PRDM2: variants seen among roughly 807,000 people sequenced by gnomAD.
PRDM2 encodes the protein PR domain zinc finger protein 2.
Under a neutral mutation model 130.0 loss-of-function variants are expected in PRDM2, and 30 were observed. That is an observed-to-expected ratio of 0.23 (90% CI 0.17 to 0.31). The LOEUF (loss-of-function observed/expected upper bound fraction) is 0.31. Ranked by LOEUF, PRDM2 falls within the 10% of genes least tolerant of loss-of-function variation. The pLI is 1.00. For synonymous variants in PRDM2, 871 were observed against 782.4 expected, an observed-to-expected ratio of 1.11 and a Z score of -1.89; for missense variants, 2,011 against 2,108.4, an observed-to-expected ratio of 0.95 and a Z score of 0.90.
chr1:13,766,158 T>TG lies in PRDM2; in HGVS notation c.512-6920_512-6919insG, dbSNP rs1158183888. Among the ~76,000 whole-genome samples, 3 of 152,358 alleles carry TG rather than the reference T, an allele frequency of 2.0e-5. No homozygotes were observed. The East Asian group carries it at 5.8e-4, about 29-fold the overall frequency. On this transcript the variant is annotated intron_variant, in intron 6 of 9. Coordinates refer to ENST00000311066, the MANE Select transcript of PRDM2 (RefSeq NM_001393986.1). ...AGCCTTGAGCATAGTGAGTTCAACA[T>TG]CTACCCTGTTCCCTAGGGTCTGTGC... is the stretch of plus-strand genomic sequence containing the variant.
chr1:13,779,027 G>T lies in PRDM2; in HGVS notation c.1232G>T (p.Arg411Leu). 2 of 1,614,130 alleles carry T rather than the reference G, an allele frequency of 1.2e-6. No individual in the cohort carries two copies. The highest frequency in any genetic ancestry group is 1.7e-6 in the Non-Finnish European group (2 of 1,180,032). ...TQINRRRHER[R>L]HEAGLKRKPS... is the part of the protein sequence containing the mutation. ...ATTAACCGGCGGCGACATGAGCGGC[G>T]CCATGAAGCAGGGTTAAAGCGGAAA... The change falls in exon 8 of 10, where the codon CGC becomes CTC. Residue 411 changes from arginine to leucine, a missense_variant. Physicochemically the swap from Arg to Leu is moderately radical, Grantham distance 102. This residue lies in a region of PRDM2 where 1,288 missense variants were observed against 1,237.7 expected (regional missense o/e 1.04). Transcript: ENST00000311066. This position sits in a 1 kb window ranked among gnomAD's most constrained non-coding sequence, Gnocchi z 4.9.
chr1:13,707,216 C>G (rs115354851), intron 1 of PRDM2, among the ~76,000 whole-genome samples: 8 of 152,122 alleles, frequency 5.3e-5, no homozygotes, highest in Admixed American at 5.2e-4. Context: ...CTCAGAGAGT[C>G]TTCATGTGAG....
intron 8 of PRDM2, among the ~76,000 whole-genome samples, chr1:13,802,019 G>A (rs2100733513): frequency 6.6e-6 from 1 of 152,322 alleles, no homozygotes; most frequent in Admixed American, 6.5e-5. Flanking sequence ...TCGTGTGTAA[G>A]GTAGATTGAG....
intron 8 of PRDM2, among the ~76,000 whole-genome samples, chr1:13,812,956 G>C (rs979710853): frequency 1.3e-5 from 2 of 152,164 alleles, no homozygotes; most frequent in Non-Finnish European, 2.9e-5. Context: ...GACAGGGAGT[G>C]GCTTACCCTG....
chr1:13,746,901 G>C (rs1243243455), intron 5 of PRDM2, among the ~76,000 whole-genome samples: 1 of 152,186 alleles, frequency 6.6e-6, no homozygotes, highest in Non-Finnish European at 1.5e-5. Flanking sequence ...TGTTCCTCTT[G>C]ATCTAACACT....
At chr1:13,735,272 G>A (rs192255469) in intron 4 of PRDM2, among the ~76,000 whole-genome samples, 1 of 152,292 alleles carries the variant, frequency 6.6e-6, no homozygotes, top group Admixed American at 6.5e-5. Flanking sequence ...TATCCTCAGG[G>A]TGAATGCACA....
rs921043361 is a variant in PRDM2, at chr1:13,710,957, C to T, written c.-65-4584C>T. ...AAAAATAGCCGGGCGTGTTGACGGG[C>T]GCCTGTAGTCCCAGCTACTCGGGAG... is the stretch of plus-strand genomic sequence containing the variant. On this transcript the variant is annotated intron_variant, in intron 1 of 9. Coordinates refer to ENST00000311066, the MANE Select transcript of PRDM2 (RefSeq NM_001393986.1). Among the ~76,000 whole-genome samples, 11 of 151,946 alleles carry T rather than the reference C, an allele frequency of 7.2e-5. 1 individual carries two copies. The highest frequency in any genetic ancestry group is 3.9e-4 in the East Asian group (2 of 5,174).
At chr1:13,801,584 CT>C (rs1450302921) in intron 8 of PRDM2, among the ~76,000 whole-genome samples, 4 of 152,206 alleles carry the variant, frequency 2.6e-5, no homozygotes, top group Admixed American at 2.0e-4. Flanking sequence ...TTCTCTGTGC[CT>C]TAGTTCCTCA....
chr1:13,797,859 T>C (rs1458673325), intron 8 of PRDM2, among the ~76,000 whole-genome samples: 1 of 152,340 alleles, frequency 6.6e-6, no homozygotes, highest in Non-Finnish European at 1.5e-5. Context: ...TAAAGTATTA[T>C]TACTTTTTTT....
intron 6 of PRDM2, among the ~76,000 whole-genome samples, chr1:13,759,383 T>C (rs1644043060): frequency 6.6e-6 from 1 of 152,170 alleles, no homozygotes; most frequent in African/African-American, 2.4e-5. Flanking sequence ...AACAATGCAG[T>C]TTCTGAGCCT....
At chr1:13,747,956 T>G (rs1643665407) in intron 5 of PRDM2, among the ~76,000 whole-genome samples, 2 of 152,202 alleles carry the variant, frequency 1.3e-5, no homozygotes, top group African/African-American at 4.8e-5. Context: ...GTTTCCACAT[T>G]CAGTTGTTAT....
chr1:13,779,080 G>T lies in PRDM2; in HGVS notation c.1285G>T (p.Asp429Tyr), dbSNP rs1644546290. 1 of 1,614,182 alleles carries T rather than the reference G, an allele frequency of 6.2e-7. No individual in the cohort carries two copies. The highest frequency in any genetic ancestry group is 8.5e-7 in the Non-Finnish European group (1 of 1,180,044). ...CAGCCAAACACTACAGCCGTCAGAG[G>T]ATCTGGCTGATGGCAAAGCATCTGG... ...KPSQTLQPSEDLADGKASGEN... is the reference protein window; with the variant it reads ...KPSQTLQPSEYLADGKASGEN... The change falls in exon 8 of 10, where the codon GAT becomes TAT. Residue 429 changes from aspartate (D) to tyrosine (Y), a missense_variant. By Grantham distance (160) the Asp-to-Tyr change is radical. This residue lies in a region of PRDM2 where 1,288 missense variants were observed against 1,237.7 expected (regional missense o/e 1.04). Coordinates refer to ENST00000311066, the MANE Select transcript of PRDM2 (RefSeq NM_001393986.1). The surrounding 1 kb of genome is among the most constrained non-coding windows in gnomAD (Gnocchi z 4.9).
chr1:13,795,567 G>C (rs1411262944), intron 8 of PRDM2, among the ~76,000 whole-genome samples: 1 of 152,230 alleles, frequency 6.6e-6, no homozygotes, highest in African/African-American at 2.4e-5. Flanking sequence ...AATGTGACTT[G>C]TAAGCACCTT....
intron 4 of PRDM2, among the ~76,000 whole-genome samples, 180 bp from the exon 5 acceptor site, chr1:13,741,825 C>T (rs1373147340): frequency 5.3e-5 from 8 of 150,260 alleles, no homozygotes; most frequent in Admixed American, 4.6e-4. Context: ...ATTACAGTTT[C>T]GAATTTCAGT....
intron 1 of PRDM2, among the ~76,000 whole-genome samples, chr1:13,703,953 A>T (rs939824893): frequency 6.6e-6 from 1 of 152,216 alleles, no homozygotes; most frequent in Non-Finnish European, 1.5e-5. Flanking sequence ...AACTTAATAC[A>T]TTATAATTTA....
chr1:13,723,255 C>T (rs986899651), intron 2 of PRDM2, among the ~76,000 whole-genome samples: 2 of 152,142 alleles, frequency 1.3e-5, no homozygotes, highest in East Asian at 1.9e-4. Context: ...CTGCACTGTC[C>T]CCTCCTTATC....
intron 2 of PRDM2, among the ~76,000 whole-genome samples, chr1:13,718,015 C>T (rs1331973247): frequency 2.6e-5 from 4 of 152,102 alleles, no homozygotes; most frequent in South Asian, 2.1e-4. Flanking sequence ...CAACAATCAC[C>T]CCAGTCATTC....
chr1:13,772,066 T>G (rs1644371991), intron 6 of PRDM2: 2 of 152,222 alleles, frequency 1.3e-5, no homozygotes, highest in African/African-American at 4.8e-5. Flanking sequence ...AATGCAGAGA[T>G]AAAAGGTGTC....
At chr1:13,730,446 G>A (rs767098744) in intron 2 of PRDM2, among the ~76,000 whole-genome samples, 31 of 152,178 alleles carry the variant, frequency 2.0e-4, no homozygotes, top group Non-Finnish European at 3.8e-4. Flanking sequence ...TGGAAAGGTG[G>A]CACTTGCAGT....
Sources: gnomAD v4.1 joint callset for allele counts (sites outside exome capture counted in the v4.1 genomes callset) on GRCh38, gnomAD v4.1.1 for gene constraint, gnomAD v4.1.1 regional missense constraint, Gnocchi (gnomAD v3.1) non-coding constraint, MANE v1.5 for transcripts, NCBI Gene and HGNC (gene_info 2026-07-23, HGNC 2026-07-21) for gene names.